VPS37D: variants seen among roughly 807,000 people sequenced by gnomAD.
VPS37D encodes the protein vacuolar protein sorting-associated protein 37D.
A neutral mutation model predicts 22.0 loss-of-function variants in VPS37D; 5 were observed. The ratio of observed to expected loss-of-function variants is 0.23; its 90% CI spans 0.12 to 0.48. The LOEUF (loss-of-function observed/expected upper bound fraction) is 0.48, where lower values mean the gene tolerates loss of function less well. Among genes scored for constraint, VPS37D ranks in the 20% least tolerant of loss-of-function variants. VPS37D has a pLI of 0.99. For synonymous variants in VPS37D, 174 were observed against 159.3 expected (o/e 1.09, Z -0.69); for missense variants, 384 against 345.8 (o/e 1.11, Z -0.88).
chr7:73,669,500 C>T lies in VPS37D; in HGVS notation c.220C>T (p.Arg74Cys), dbSNP rs782538496. 14 of 1,581,800 alleles carry T rather than the reference C, an allele frequency of 8.9e-6. No individual in the cohort carries two copies. Among genetic ancestry groups the T allele is most frequent in the South Asian group, 1.2e-5 (1 of 86,606 alleles). ...LAKENLALRP[R>C]LEMGRAALAI... ...CAAGGAGAACCTGGCCCTGCGGCCC[C>T]GCCTGGAGATGGGCCGGGCTGCCCT... Residue 74 changes from arginine (R) to cysteine (C), a missense_variant, in exon 2 of 4, where the codon CGC (arginine) becomes TGC (cysteine). Transcript: ENST00000324941.
In VPS37D at chr7:73,669,529, C is replaced by T. The variant is rs782398050; in HGVS notation, c.249C>T (p.Ala83=). The change falls in exon 2 of 4, where the codon GCC becomes GCT. Residue 83 remains alanine (A), a synonymous_variant. Transcript: ENST00000324941. ...TGGAGATGGGCCGGGCTGCCCTGGC[C>T]ATCAAATACCAGGAGCTTCGTGAGG... ...PRLEMGRAAL[A]IKYQELREVA... 5 of 1,587,024 alleles carry T rather than the reference C, an allele frequency of 3.2e-6. 1 individual carries two copies. In the South Asian group the frequency reaches 5.7e-5, roughly 18 times the overall value.
Position 73,669,495 on chromosome 7 carries a change from G to A in VPS37D, c.215G>A (p.Arg72Gln), listed in dbSNP as rs782184726. Residue 72 changes from arginine to glutamine, a missense_variant, in exon 2 of 4, where the codon CGG (arginine) becomes CAG (glutamine). Physicochemically the swap from Arg to Gln is conservative, Grantham distance 43. Coordinates refer to ENST00000324941, the MANE Select transcript of VPS37D (RefSeq NM_001077621.2). ...CTGGCCAAGGAGAACCTGGCCCTGC[G>A]GCCCCGCCTGGAGATGGGCCGGGCT... is the stretch of plus-strand genomic sequence containing the variant. ...YALAKENLAL[R>Q]PRLEMGRAAL... 70 of 1,580,544 alleles carry A rather than the reference G, an allele frequency of 4.4e-5. 1 individual carries two copies. Among genetic ancestry groups the A allele is most frequent in the Middle Eastern group, 1.7e-4 (1 of 5,834 alleles).
chr7:73,669,228 T>C (rs1554609191), intron 1 of VPS37D, among the ~76,000 whole-genome samples, 191 bp from the exon 2 acceptor site: 1 of 152,146 alleles, frequency 6.6e-6, no homozygotes, highest in Non-Finnish European at 1.5e-5. Context: ...GAGAGGGAGC[T>C]CAGGGCAGAG....
At chr7:73,666,133 C>T (rs1361851687), upstream of VPS37D, among the ~76,000 whole-genome samples, 9 of 152,072 alleles carry the variant, frequency 5.9e-5, no homozygotes, top group African/African-American at 2.2e-4. Flanking sequence ...AATGGCTTAA[C>T]CTATTTGTAA....
intron 1 of VPS37D, among the ~76,000 whole-genome samples, chr7:73,668,380 G>C (rs1008409598): frequency 3.9e-5 from 6 of 152,012 alleles, no homozygotes; most frequent in Non-Finnish European, 8.8e-5. Flanking sequence ...GTTCCGGGGG[G>C]CTGTGTTGTG....
At chr7:73,667,221 G>A (rs1405262057), upstream of VPS37D, among the ~76,000 whole-genome samples, 1 of 151,658 alleles carries the variant, frequency 6.6e-6, no homozygotes, top group African/African-American at 2.4e-5. Flanking sequence ...TGATCCGCCC[G>A]CCTCGGCCTC....
chr7:73,669,278 T>G (rs1302532344), intron 1 of VPS37D, 141 bp from the exon 2 acceptor site: 3 of 1,072,698 alleles, frequency 2.8e-6, no homozygotes, highest in Non-Finnish European at 3.9e-6. Context: ...CTTCACCTGT[T>G]GGGTTCACCA....
At chr7:73,670,775 A>G (rs1168759392) in intron 3 of VPS37D, among the ~76,000 whole-genome samples, 1 of 150,552 alleles carries the variant, frequency 6.6e-6, no homozygotes, top group Non-Finnish European at 1.5e-5. Context: ...GCGCCACTGC[A>G]CTCCAGCCTG....
At chr7:73,669,340 G>A (rs989446537) in intron 1 of VPS37D, 79 bp from the exon 2 acceptor site, 9 of 1,449,778 alleles carry the variant, frequency 6.2e-6, no homozygotes, top group Non-Finnish European at 8.2e-6. Flanking sequence ...AGGCACGGTC[G>A]CCCAGTAGGG....
In VPS37D at chr7:73,670,151, T is replaced by C. The variant is rs781801253; in HGVS notation, c.393+49T>C. 48 of 1,548,926 alleles carry C rather than the reference T, an allele frequency of 3.1e-5. No homozygotes were observed. The South Asian group carries it at 5.4e-4, about 17-fold the overall frequency. On this transcript the variant is annotated intron_variant, in intron 3 of 3. Coordinates refer to ENST00000324941, the MANE Select transcript of VPS37D (RefSeq NM_001077621.2). Reference sequence around the variant, plus strand: ...TGGGGGCCAGGAGGGAGACCCATTCTCTGCCACCCCCTGGCTCATTCTTAC... The same window carrying C: ...TGGGGGCCAGGAGGGAGACCCATTCCCTGCCACCCCCTGGCTCATTCTTAC...
chr7:73,666,024 T>G (rs1023046689), upstream of VPS37D, among the ~76,000 whole-genome samples: 2 of 152,126 alleles, frequency 1.3e-5, no homozygotes, highest in African/African-American at 2.4e-5. Context: ...CTACTTTATT[T>G]TTTATGTTTG....
rs1797412254 is a variant in VPS37D at position 73,667,855 on chromosome 7, G to A, written c.-104G>A. On this transcript the variant is annotated 5_prime_UTR_variant, in exon 1 of 4. Transcript: ENST00000324941. ...CGGAGCGGTGCGTGCGGCCGGAGCC[G>A]GAGCGGATCCTGGAGCCGGAGCGGA... The A allele has an allele frequency of 6.5e-6, 2 of 309,130 alleles. No individual in the cohort carries two copies. The highest frequency in any genetic ancestry group is 1.2e-4 in the South Asian group (1 of 8,522). 19.1% of individuals were successfully genotyped at this position (309,130 alleles called of 1,614,324 possible).
At chr7:73,666,448 C>G (rs929456303), upstream of VPS37D, among the ~76,000 whole-genome samples, 2 of 151,728 alleles carry the variant, frequency 1.3e-5, no homozygotes, top group Non-Finnish European at 1.5e-5. Context: ...TTGTTTGAGA[C>G]GGAGCACGGA....
chr7:73,668,176 C>T, intron 1 of VPS37D, 80 bp downstream of exon 1: 2 of 911,814 alleles, frequency 2.2e-6, no homozygotes, highest in Non-Finnish European at 1.3e-6. Flanking sequence ...AAGGGCCGCG[C>T]GGGCCGGGCC....
intron 1 of VPS37D, among the ~76,000 whole-genome samples, chr7:73,668,886 GA>G (rs1449993987): frequency 2.0e-5 from 3 of 151,936 alleles, no homozygotes; most frequent in Non-Finnish European, 2.9e-5. Flanking sequence ...GGTGGGAAGG[GA>G]AGAGAGGGTG....
chr7:73,666,973 C>CATT, upstream of VPS37D, among the ~76,000 whole-genome samples: 1 of 130,004 alleles, frequency 7.7e-6, no homozygotes, highest in South Asian at 2.4e-4. Context: ...TCTTTTCACT[C>CATT]TTTTTTTTTT....
upstream of VPS37D, among the ~76,000 whole-genome samples, chr7:73,666,407 C>T (rs191676409): frequency 1.6e-4 from 25 of 151,984 alleles, no homozygotes; most frequent in East Asian, 4.6e-3. Context: ...TTTGGGGAGG[C>T]GACATCATCT....
At position 73,671,399 on chromosome 7, in the gene VPS37D, T is replaced by C. The variant is rs1280048207; in HGVS notation, c.*23T>C. 8.2e-6 allele frequency: 11 copies of C among 1,336,944 alleles called. No individual in the cohort carries two copies. The highest frequency in any genetic ancestry group is 1.7e-5 in the South Asian group (1 of 57,358). 82.8% of individuals were successfully genotyped at this position (1,336,944 alleles called of 1,614,324 possible). On this transcript the variant is annotated 3_prime_UTR_variant, in exon 4 of 4. Coordinates refer to ENST00000324941, the MANE Select transcript of VPS37D (RefSeq NM_001077621.2). ...TAGGATCCACGGTGCGGCCCCCCAG[T>C]TGGGGGGCCTAGACAAACTTGATGC... is the stretch of plus-strand genomic sequence containing the variant.
At chr7:73,666,923 G>C (rs1336458333), upstream of VPS37D, among the ~76,000 whole-genome samples, 2 of 151,654 alleles carry the variant, frequency 1.3e-5, no homozygotes, top group East Asian at 3.9e-4. Context: ...CACCATGTCC[G>C]GATACTTTTT....
Sources: gnomAD v4.1 joint callset for allele counts (sites outside exome capture counted in the v4.1 genomes callset) on GRCh38, gnomAD v4.1.1 for gene constraint, MANE v1.5 for transcripts, NCBI Gene and HGNC (gene_info 2026-07-23, HGNC 2026-07-21) for gene names.